ZNF445: variants seen among roughly 807,000 people sequenced by gnomAD.
ZNF445 encodes the protein zinc finger protein 168.
In ZNF445, 19 loss-of-function variants were observed where a neutral mutation model predicts 93.9. The observed-to-expected ratio is 0.20, with a 90% confidence interval of 0.14 to 0.30. The LOEUF is 0.30. Among genes scored for constraint, ZNF445 ranks in the 10% least tolerant of loss-of-function variants. The probability of loss-of-function intolerance (pLI) is 1.00; values close to 1 mark genes in which losing one functional copy is unlikely to be tolerated. For missense variants in ZNF445, 1,058 were observed against 1,259.4 expected, an observed-to-expected ratio of 0.84 and a Z score of 2.42; for synonymous variants, 449 against 446.3, an observed-to-expected ratio of 1.01 and a Z score of -0.08.
chr3:44,449,681 C>T (rs1697931346), intron 6 of ZNF445, 58 bp from the exon 7 acceptor site: 2 of 1,428,966 alleles, frequency 1.4e-6, no homozygotes, highest in African/African-American at 1.4e-5. Context: ...AACTACTCTT[C>T]AGGACCTCTG....
In ZNF445 at chr3:44,434,316, A is replaced by T. The variant is rs569998552; in HGVS notation, c.*12259T>A. Reference sequence around the variant, plus strand: ...CACCTGTAGTCCCAACAGGCTGAGGAAGCAGCTTCACTTGTACCCAGGAGG... The same window carrying T: ...CACCTGTAGTCCCAACAGGCTGAGGTAGCAGCTTCACTTGTACCCAGGAGG... On this transcript the variant is annotated 3_prime_UTR_variant, in exon 8 of 8. Coordinates refer to ENST00000396077, the MANE Select transcript of ZNF445 (RefSeq NM_181489.6). 1 of 151,760 alleles carries T rather than the reference A, an allele frequency of 6.6e-6. No individual in the cohort carries two copies. The highest frequency in any genetic ancestry group is 1.5e-5 in the Non-Finnish European group (1 of 67,948). The allele number at this position is 151,760 out of a possible 1,614,324, so 9.4% of individuals were successfully genotyped here.
chr3:44,471,977 C>G (rs1373475290), intron 1 of ZNF445, among the ~76,000 whole-genome samples: 1 of 152,130 alleles, frequency 6.6e-6, no homozygotes, highest in African/African-American at 2.4e-5. Flanking sequence ...AGGCTCCAGC[C>G]TCGGTGCGTG....
chr3:44,464,244 G>A (rs1007691026), intron 1 of ZNF445, among the ~76,000 whole-genome samples: 1 of 152,076 alleles, frequency 6.6e-6, no homozygotes, highest in Non-Finnish European at 1.5e-5. Flanking sequence ...CTTAATTTTG[G>A]GGATCTGTCT....
intron 1 of ZNF445, among the ~76,000 whole-genome samples, chr3:44,473,385 C>G (rs1698298195): frequency 6.6e-6 from 1 of 150,382 alleles, no homozygotes; most frequent in African/African-American, 2.5e-5. Context: ...ACCCAGGAGG[C>G]GGAGGTTGCA....
At chr3:44,460,720 T>C (rs946912853) in intron 1 of ZNF445, among the ~76,000 whole-genome samples, 1 of 152,242 alleles carries the variant, frequency 6.6e-6, no homozygotes, top group African/African-American at 2.4e-5. Flanking sequence ...GGAGACTGAT[T>C]TGAGTAATAC....
chr3:44,447,502 G>A lies in ZNF445; in HGVS notation c.2169C>T (p.Ala723=), dbSNP rs377723856. Residue 723 remains alanine (A), a synonymous_variant, in exon 8 of 8, where the codon GCC becomes GCT. Transcript: ENST00000396077. The surrounding 1 kb of genome is among the most constrained non-coding windows in gnomAD (Gnocchi z 4.7). ...CATGCTTCTTCTTATGAACAATAAA[G>A]GCTGACCTATAGGCAAAGTCCTTCC... ...DCGKDFAYRS[A]FIVHKKKHAM... is the part of the protein sequence containing the mutation. 8.7e-6 allele frequency: 14 copies of A among 1,614,000 alleles called. No homozygotes were observed. The African/African-American group carries it at 1.9e-4, about 22-fold the overall frequency.
At position 44,455,368 on chromosome 3, in the gene ZNF445, A is replaced by C; in HGVS notation, c.182T>G (p.Leu61Arg). The C allele has an allele frequency of 1.2e-6, 2 of 1,614,098 alleles. No homozygotes were observed. Among genetic ancestry groups the C allele is most frequent in the Non-Finnish European group, 1.7e-6 (2 of 1,179,968 alleles). Residue 61 changes from leucine to arginine, a missense_variant, in exon 3 of 8, where the codon CTT (leucine) becomes CGT (arginine). This residue lies in a region of ZNF445 where 657 missense variants were observed against 746.4 expected (regional missense o/e 0.88). Transcript: ENST00000396077. ...GGGCCCTGAAGACTCATGGTAGCGA[A>C]GCTGTCTGAAGAGCTGGCGGAACAG... ...QELFRQLFRQLRYHESSGPLE... is the reference protein window; with the variant it reads ...QELFRQLFRQRRYHESSGPLE...
At chr3:44,462,742 TACA>T (rs1211475175) in intron 1 of ZNF445, among the ~76,000 whole-genome samples, 1 of 152,168 alleles carries the variant, frequency 6.6e-6, no homozygotes, top group Non-Finnish European at 1.5e-5. Context: ...ATGGCTAAGT[TACA>T]ACATTAGTGA....
chr3:44,449,926 A>G (rs1053376946), intron 6 of ZNF445, among the ~76,000 whole-genome samples: 1 of 152,090 alleles, frequency 6.6e-6, no homozygotes, highest in Non-Finnish European at 1.5e-5. Flanking sequence ...AAAACATATT[A>G]CCTTTAATCC....
Position 44,447,365 on chromosome 3 carries a change from T to C in ZNF445, c.2306A>G (p.Lys769Arg). The C allele has an allele frequency of 1.2e-6, 2 of 1,614,224 alleles. No homozygotes were observed. Among genetic ancestry groups the C allele is most frequent in the Non-Finnish European group, 1.7e-6 (2 of 1,180,040 alleles). The change falls in exon 8 of 8, where the codon AAG becomes AGG. Residue 769 changes from lysine (K) to arginine (R), a missense_variant. Coordinates refer to ENST00000396077, the MANE Select transcript of ZNF445 (RefSeq NM_181489.6). The surrounding 1 kb of genome is among the most constrained non-coding windows in gnomAD (Gnocchi z 4.7). ...GAGGAATGAGTGATTGCGGAAGGCCTTGCCACACTGGCTGCATTTGTAGGG... is the reference window on the plus strand; with the variant it reads ...GAGGAATGAGTGATTGCGGAAGGCCCTGCCACACTGGCTGCATTTGTAGGG... Reference protein sequence around the residue: ...EEPYKCSQCGKAFRNHSFLLI... With the variant: ...EEPYKCSQCGRAFRNHSFLLI...
intron 1 of ZNF445, among the ~76,000 whole-genome samples, chr3:44,458,934 TTAATA>T (rs1282135710): frequency 6.6e-6 from 1 of 152,224 alleles, no homozygotes; most frequent in Non-Finnish European, 1.5e-5. Flanking sequence ...ACTCAGTCTA[TTAATA>T]TGAGATCAAA....
rs1324963622 is a variant in ZNF445 at position 44,435,886 on chromosome 3, G to A, written c.*10689C>T. On this transcript the variant is annotated 3_prime_UTR_variant, in exon 8 of 8. Coordinates refer to ENST00000396077, the MANE Select transcript of ZNF445 (RefSeq NM_181489.6). ...ACCATGGTGGCATTTTGAGTCTCCT[G>A]TAATTACTGCTAGTTCAGAACTAGA... 1 of 152,142 alleles carries A rather than the reference G, an allele frequency of 6.6e-6. No homozygotes were observed. The highest frequency in any genetic ancestry group is 1.5e-5 in the Non-Finnish European group (1 of 68,036). 9.4% of individuals were successfully genotyped at this position (152,142 alleles called of 1,614,324 possible). A position where few individuals can be genotyped will look rare whatever the true frequency, so the allele number is the denominator to read the frequency against.
chr3:44,464,569 T>C (rs1031941206), intron 1 of ZNF445, among the ~76,000 whole-genome samples: 6 of 152,202 alleles, frequency 3.9e-5, no homozygotes, highest in Non-Finnish European at 5.9e-5. Context: ...TAAAATAAAA[T>C]GTCTTGAAAA....
rs984218299 is a variant in ZNF445, at chr3:44,433,859, T to G, written c.*12716A>C. 5 of 152,192 alleles carry G rather than the reference T, an allele frequency of 3.3e-5. No individual in the cohort carries two copies. Among genetic ancestry groups the G allele is most frequent in the Admixed American group, 2.6e-4 (4 of 15,280 alleles). The allele number at this position is 152,192 out of a possible 1,614,324, so 9.4% of individuals were successfully genotyped here. On this transcript the variant is annotated 3_prime_UTR_variant, in exon 8 of 8. Transcript: ENST00000396077. ...AAATTCTGAATGGTCTTGAACATCA[T>G]GCACTGCACCTGGCAAAATAGCCGG... is the stretch of plus-strand genomic sequence containing the variant.
In ZNF445 at chr3:44,447,304, T is replaced by C. The variant is rs541280182; in HGVS notation, c.2367A>G (p.Pro789=). 2.1e-5 allele frequency: 34 copies of C among 1,614,200 alleles called. No individual in the cohort carries two copies. In the Admixed American group the frequency reaches 5.3e-4, roughly 25 times the overall value. The part of the protein sequence containing the change: ...IHQRVHTGEK[P]YKCRECGKAF... Reference sequence around the variant, plus strand: ...CTTTCCCACACTCCCTGCACTTATATGGCTTCTCTCCAGTGTGAACTCTCT... The same window carrying C: ...CTTTCCCACACTCCCTGCACTTATACGGCTTCTCTCCAGTGTGAACTCTCT... Residue 789 remains proline, a synonymous_variant, in exon 8 of 8, where the codon CCA becomes CCG. Transcript: ENST00000396077. The surrounding 1 kb of genome is among the most constrained non-coding windows in gnomAD (Gnocchi z 4.7).
At chr3:44,459,426 T>G (rs1471035409) in intron 1 of ZNF445, among the ~76,000 whole-genome samples, 1 of 152,204 alleles carries the variant, frequency 6.6e-6, no homozygotes, top group African/African-American at 2.4e-5. Flanking sequence ...ACAAATCTTT[T>G]CATGATGACA....
At chr3:44,473,488 C>CAAAA (rs1198791466) in intron 1 of ZNF445, among the ~76,000 whole-genome samples, 16 of 58,012 alleles carry the variant, frequency 2.8e-4, no homozygotes, top group African/African-American at 7.1e-4. Context: ...CACACACACA[C>CAAAA]ACAAAAAATG....
At position 44,451,451 on chromosome 3, in the gene ZNF445, T is replaced by C. The variant is rs1697956550; in HGVS notation, c.461A>G (p.His154Arg). 3 of 1,611,690 alleles carry C rather than the reference T, an allele frequency of 1.9e-6. No individual in the cohort carries two copies. The highest frequency in any genetic ancestry group is 2.5e-6 in the Non-Finnish European group (3 of 1,178,326). The change falls in exon 4 of 8, where the codon CAT becomes CGT. Residue 154 changes from histidine to arginine, a missense_variant. Physicochemically the swap from His to Arg is conservative, Grantham distance 29. Coordinates refer to ENST00000396077, the MANE Select transcript of ZNF445 (RefSeq NM_181489.6). ...DPGPAQSPDV[H>R]WMGTGALRSA... ...TCGCAGGGCTCCTGTACCCATCCAA[T>C]GCACATCTGGGCTCTGGGCAGGGCC... is the stretch of plus-strand genomic sequence containing the variant.
At position 44,455,486 on chromosome 3, in the gene ZNF445, G is replaced by A. The variant is rs767337985; in HGVS notation, c.64C>T (p.Arg22Trp). 2.9e-5 allele frequency: 46 copies of A among 1,613,586 alleles called. No homozygotes were observed. The highest frequency in any genetic ancestry group is 2.7e-4 in the East Asian group (12 of 44,884). The change falls in exon 3 of 8, where the codon CGG becomes TGG. Residue 22 changes from arginine (R) to tryptophan (W), a missense_variant. Physicochemically the swap from Arg to Trp is moderately radical, Grantham distance 101. This residue lies in a region of ZNF445 where 657 missense variants were observed against 746.4 expected (regional missense o/e 0.88). Coordinates refer to ENST00000396077, the MANE Select transcript of ZNF445 (RefSeq NM_181489.6). ...AQAQSSRERG[R>W]LQTVKKEEED... ...TCTTCCTTCTTTACTGTCTGAAGCC[G>A]CCCTCGCTCCCTCGAAGACTGGGCC... is the stretch of plus-strand genomic sequence containing the variant.
Sources: gnomAD v4.1 joint callset for allele counts (sites outside exome capture counted in the v4.1 genomes callset) on GRCh38, gnomAD v4.1.1 for gene constraint, gnomAD v4.1.1 regional missense constraint, Gnocchi (gnomAD v3.1) non-coding constraint, MANE v1.5 for transcripts, NCBI Gene and HGNC (gene_info 2026-07-23, HGNC 2026-07-21) for gene names.